The following EDN3 variants were observed in gnomAD, a reference collection of about 807,000 sequenced individuals.
EDN3 encodes endothelin 3.
A neutral mutation model predicts 21.4 loss-of-function variants in EDN3; 9 were observed. The observed-to-expected ratio is 0.42, with a 90% confidence interval of 0.25 to 0.73. The LOEUF (loss-of-function observed/expected upper bound fraction) is 0.73. Ranked by LOEUF, EDN3 falls within the 30% of genes least tolerant of loss-of-function variation. EDN3 has a pLI of 0.26. For missense variants in EDN3, 327 were observed against 309.4 expected, an observed-to-expected ratio of 1.06 and a Z score of -0.43; for synonymous variants, 133 against 126.2, an observed-to-expected ratio of 1.05 and a Z score of -0.36.
chr20:59,324,411 C>T lies in EDN3; in HGVS notation c.669C>T (p.Leu223=), dbSNP rs370508486. Residue 223 remains leucine, a synonymous_variant, in exon 5 of 5, where the codon CTC becomes CTT. Transcript: ENST00000337938. ...PKLMPGSGLA[L]APSTCPRCLF... Reference sequence around the variant, plus strand: ...TCATGCCCGGCAGTGGACTCGCCCTCGCTCCATCTACCTGCCCCCGCTGCC... The same window carrying T: ...TCATGCCCGGCAGTGGACTCGCCCTTGCTCCATCTACCTGCCCCCGCTGCC... 10 of 1,614,194 alleles carry T rather than the reference C, an allele frequency of 6.2e-6. No homozygotes were observed. The highest frequency in any genetic ancestry group is 1.6e-4 in the Middle Eastern group (1 of 6,062).
chr20:59,317,519 A>T (rs1990256988), intron 2 of EDN3, among the ~76,000 whole-genome samples: 1 of 152,162 alleles, frequency 6.6e-6, no homozygotes. Flanking sequence ...GGGTGAAGTG[A>T]TCATCATGTA....
At chr20:59,303,850 G>A (rs1024749057) in intron 2 of EDN3, among the ~76,000 whole-genome samples, 3 of 151,922 alleles carry the variant, frequency 2.0e-5, no homozygotes, top group Non-Finnish European at 4.4e-5. Context: ...CTTCCTTCCC[G>A]ACACTGGTTC....
chr20:59,319,959 A>C (rs1292903567), intron 2 of EDN3, among the ~76,000 whole-genome samples: 1 of 152,190 alleles, frequency 6.6e-6, no homozygotes, highest in East Asian at 1.9e-4. Flanking sequence ...AAATCAAGCT[A>C]GTAAGTTAAG....
At chr20:59,321,402 C>T (rs1011813855) in intron 3 of EDN3, among the ~76,000 whole-genome samples, 1 of 152,180 alleles carries the variant, frequency 6.6e-6, no homozygotes, top group African/African-American at 2.4e-5. Flanking sequence ...GTCCCCACCC[C>T]CTTGCTGCCT....
intron 2 of EDN3, among the ~76,000 whole-genome samples, chr20:59,312,562 T>G (rs1989902666): frequency 6.6e-6 from 1 of 152,182 alleles, no homozygotes; most frequent in Non-Finnish European, 1.5e-5. Flanking sequence ...GACTTTGAGA[T>G]TCTTTTTAAT....
intron 2 of EDN3, among the ~76,000 whole-genome samples, chr20:59,319,330 T>C (rs1227693450): frequency 6.6e-6 from 1 of 152,176 alleles, no homozygotes; most frequent in Non-Finnish European, 1.5e-5. Flanking sequence ...ACTATGGGGC[T>C]TCCTGGCCCA....
In EDN3 at chr20:59,322,873, A is replaced by G. The variant is rs1464511012; in HGVS notation, c.588+456A>G. 6.6e-6 allele frequency among the ~76,000 whole-genome samples: 1 copy of G among 152,222 alleles called. No homozygotes were observed. The highest frequency in any genetic ancestry group is 6.5e-5 in the Admixed American group (1 of 15,290). Reference sequence around the variant, plus strand: ...TTCTTTTCAGCAGCTGATTCTGGGCAGAGGTGAATTACAGCAGCTTGACAG... The same window carrying G: ...TTCTTTTCAGCAGCTGATTCTGGGCGGAGGTGAATTACAGCAGCTTGACAG... On this transcript the variant is annotated intron_variant, in intron 4 of 4. Transcript: ENST00000337938. The surrounding 1 kb of genome is among the most constrained non-coding windows in gnomAD (Gnocchi z 4.1).
At position 59,324,468 on chromosome 20, in the gene EDN3, GCC is replaced by G; in HGVS notation, c.*10_*11del. 6.2e-7 allele frequency: 1 copy of G among 1,613,990 alleles called. No homozygotes were observed. Among genetic ancestry groups the G allele is most frequent in the East Asian group, 2.2e-5 (1 of 44,866 alleles). On this transcript the variant is annotated 3_prime_UTR_variant, in exon 5 of 5. Coordinates refer to ENST00000337938, the MANE Select transcript of EDN3 (RefSeq NM_207034.3). The stretch of plus-strand genomic sequence containing the variant: ...AGGAAGGAGCCCCTTAGGAGGACAG[GCC>G]TGCAGCATCCTGGTCTCGGGAGGCT...
chr20:59,323,734 C>G (rs200756818), intron 4 of EDN3: 2 of 401,214 alleles, frequency 5.0e-6, no homozygotes, highest in African/African-American at 4.1e-5. Context: ...GTAGGGGAAC[C>G]GGTGAGTGCA....
chr20:59,300,974 C>G (rs760105920), intron 1 of EDN3, 110 bp downstream of exon 1: 2 of 1,330,574 alleles, frequency 1.5e-6, no homozygotes, highest in Non-Finnish European at 2.1e-6. Flanking sequence ...CAAACTCTTG[C>G]CTGGGCTCTG....
intron 4 of EDN3, chr20:59,323,704 G>A: frequency 2.5e-6 from 1 of 400,916 alleles, no homozygotes. Flanking sequence ...ATAGGGATGA[G>A]TGAGGGAAAG....
chr20:59,314,093 G>A (rs984754906), intron 2 of EDN3, among the ~76,000 whole-genome samples: 4 of 152,068 alleles, frequency 2.6e-5, no homozygotes, highest in African/African-American at 9.7e-5. Context: ...GACAGACAGT[G>A]GGCAGCGGGC....
intron 2 of EDN3, among the ~76,000 whole-genome samples, chr20:59,310,841 C>T (rs3026598): frequency 1.4e-3 from 208 of 151,982 alleles, no homozygotes; most frequent in Non-Finnish European, 2.3e-3. Flanking sequence ...AATTGCTTTG[C>T]CGAGAGTCAG....
At chr20:59,315,391 A>C (rs1280464291) in intron 2 of EDN3, among the ~76,000 whole-genome samples, 1 of 152,264 alleles carries the variant, frequency 6.6e-6, no homozygotes, top group African/African-American at 2.4e-5. Context: ...CCTGGGCCAA[A>C]AGGCAATATT....
chr20:59,315,422 G>T (rs1044357583), intron 2 of EDN3, among the ~76,000 whole-genome samples: 1 of 152,374 alleles, frequency 6.6e-6, no homozygotes, highest in Admixed American at 6.5e-5. Flanking sequence ...TCCCAGTTCA[G>T]AAGGAAAAAT....
intron 2 of EDN3, among the ~76,000 whole-genome samples, chr20:59,311,847 A>G (rs959592758): frequency 6.6e-6 from 1 of 152,144 alleles, no homozygotes; most frequent in Non-Finnish European, 1.5e-5. Flanking sequence ...CCAAAAGGGC[A>G]TTACACAAGG....
At chr20:59,315,607 C>T (rs1276409123) in intron 2 of EDN3, among the ~76,000 whole-genome samples, 1 of 152,204 alleles carries the variant, frequency 6.6e-6, no homozygotes, top group Admixed American at 6.5e-5. Context: ...ATCAGGTACT[C>T]ATTTTGTTCA....
chr20:59,321,350 A>C (rs1990534321), intron 3 of EDN3, among the ~76,000 whole-genome samples, 157 bp downstream of exon 3: 1 of 152,154 alleles, frequency 6.6e-6, no homozygotes, highest in African/African-American at 2.4e-5. Flanking sequence ...TGAGCCCAGA[A>C]AAGACCCAGG....
In EDN3 at chr20:59,325,267, A is replaced by C. The variant is rs566560322; in HGVS notation, c.*808A>C. 3.9e-5 allele frequency: 6 copies of C among 152,720 alleles called. No individual in the cohort carries two copies. The Middle Eastern group carries it at 0.01, about 260-fold the overall frequency. The allele number at this position is 152,720 out of a possible 1,614,324, so 9.5% of individuals were successfully genotyped here. On this transcript the variant is annotated 3_prime_UTR_variant, in exon 5 of 5. Transcript: ENST00000337938. ...GCTATTAGGTTGAATATTTGCTTTCATGAGTAAATGTGGATCTTTGGGGAA... is the reference window on the plus strand; with the variant it reads ...GCTATTAGGTTGAATATTTGCTTTCCTGAGTAAATGTGGATCTTTGGGGAA...
Sources: gnomAD v4.1 joint callset for allele counts (sites outside exome capture counted in the v4.1 genomes callset) on GRCh38, gnomAD v4.1.1 for gene constraint, Gnocchi (gnomAD v3.1) non-coding constraint, MANE v1.5 for transcripts, NCBI Gene and HGNC (gene_info 2026-07-23, HGNC 2026-07-21) for gene names.